The following PBX3 variants were observed in gnomAD, a reference collection of about 807,000 sequenced individuals.
The protein encoded by PBX3 is PBX homeobox 3.
PBX3 carries 14 observed loss-of-function variants against 48.5 expected under a neutral mutation model. The ratio of observed to expected loss-of-function variants is 0.29; its 90% CI spans 0.19 to 0.45. PBX3 has a LOEUF of 0.45. Ranked by LOEUF, PBX3 falls within the 20% of genes least tolerant of loss-of-function variation. The pLI, the probability that PBX3 is intolerant of heterozygous loss-of-function variation, is 1.00. For missense variants in PBX3, 386 were observed against 546.7 expected (o/e 0.71, Z 2.93); for synonymous variants, 210 against 200.3 (o/e 1.05, Z -0.41).
intron 2 of PBX3, chr9:125,845,095 G>A (rs1199873474): frequency 1.3e-5 from 2 of 152,042 alleles, no homozygotes; most frequent in Non-Finnish European, 2.9e-5. Context: ...CGTTAGTCAG[G>A]AAGCATTAAT....
At chr9:125,944,987 C>G (rs1214690916) in intron 5 of PBX3, among the ~76,000 whole-genome samples, 2 of 152,136 alleles carry the variant, frequency 1.3e-5, no homozygotes, top group African/African-American at 4.8e-5. Context: ...CTTTGGGAAG[C>G]TGAGGCGGGC....
At chr9:125,820,700 T>C (rs751446778) in intron 2 of PBX3, among the ~76,000 whole-genome samples, 5 of 152,204 alleles carry the variant, frequency 3.3e-5, no homozygotes, top group Non-Finnish European at 7.3e-5. Flanking sequence ...CACCTAGATA[T>C]AGTTAATGCT....
intron 2 of PBX3, among the ~76,000 whole-genome samples, chr9:125,767,509 C>T (rs948345043): frequency 3.9e-5 from 6 of 152,162 alleles, no homozygotes; most frequent in Non-Finnish European, 5.9e-5. Context: ...CTCCAGAAAG[C>T]TGTAGTGCAG....
intron 1 of PBX3, 21 bp from the exon 2 acceptor site, chr9:125,748,529 G>GT: frequency 6.2e-7 from 1 of 1,612,278 alleles, no homozygotes; most frequent in Non-Finnish European, 8.5e-7. Context: ...ATACCTTTGT[G>GT]TTTCGTTATT....
intron 2 of PBX3, among the ~76,000 whole-genome samples, chr9:125,790,668 C>G (rs532399130): frequency 3.6e-4 from 54 of 151,486 alleles, no homozygotes; most frequent in Non-Finnish European, 6.9e-4. Context: ...TCCTGAATTC[C>G]AGTGATTCTT....
At chr9:125,880,468 C>G (rs1840356810) in intron 2 of PBX3, among the ~76,000 whole-genome samples, 1 of 152,180 alleles carries the variant, frequency 6.6e-6, no homozygotes, top group African/African-American at 2.4e-5. Flanking sequence ...CAGTTATTTT[C>G]AATATTAATT....
chr9:125,752,056 A>G (rs1303316199), intron 2 of PBX3, among the ~76,000 whole-genome samples: 1 of 152,212 alleles, frequency 6.6e-6, no homozygotes, highest in Non-Finnish European at 1.5e-5. Flanking sequence ...GAAAAATGTT[A>G]TGCATGAAAA....
At chr9:125,898,821 T>G (rs1840837563) in intron 2 of PBX3, among the ~76,000 whole-genome samples, 1 of 151,876 alleles carries the variant, frequency 6.6e-6, no homozygotes. Flanking sequence ...AATGTTAAAG[T>G]TGTTTAAACA....
chr9:125,934,196 CCT>C (rs1841784540), intron 4 of PBX3, among the ~76,000 whole-genome samples: 1 of 152,130 alleles, frequency 6.6e-6, no homozygotes, highest in Non-Finnish European at 1.5e-5. Flanking sequence ...TTTGATCAGA[CCT>C]AGATTTCTTG....
intron 2 of PBX3, among the ~76,000 whole-genome samples, chr9:125,787,972 C>T (rs1837501816): frequency 6.6e-6 from 1 of 152,098 alleles, no homozygotes; most frequent in South Asian, 2.1e-4. Context: ...AACTGTAAGG[C>T]TAGGTTGTTG....
intron 2 of PBX3, among the ~76,000 whole-genome samples, chr9:125,778,449 G>C (rs1187887628): frequency 6.6e-6 from 1 of 151,962 alleles, no homozygotes; most frequent in African/African-American, 2.4e-5. Flanking sequence ...AGTAGAGACA[G>C]AGTTTCACCA....
intron 2 of PBX3, among the ~76,000 whole-genome samples, chr9:125,822,484 A>C (rs1306284078): frequency 1.3e-5 from 2 of 152,082 alleles, no homozygotes; most frequent in East Asian, 1.9e-4. Flanking sequence ...GAGTTTAAAA[A>C]CGTTTCTTCC....
At chr9:125,946,112 T>C (rs540405465) in intron 5 of PBX3, among the ~76,000 whole-genome samples, 1 of 152,320 alleles carries the variant, frequency 6.6e-6, no homozygotes, top group East Asian at 1.9e-4. Context: ...TTAAACTGCT[T>C]AGGGCTACAT....
intron 1 of PBX3, chr9:125,748,219 G>C (rs968487460): frequency 9.9e-7 from 1 of 1,013,548 alleles, no homozygotes; most frequent in East Asian, 9.8e-5. Context: ...GAGCGGACGC[G>C]GGAGCCCCTC....
At chr9:125,946,027 G>T (rs1842057198) in intron 5 of PBX3, among the ~76,000 whole-genome samples, 1 of 152,082 alleles carries the variant, frequency 6.6e-6, no homozygotes, top group Admixed American at 6.5e-5. Context: ...TTACTTTTCA[G>T]GGGTAAAAAG....
chr9:125,916,128 T>C (rs1479540047), intron 3 of PBX3, among the ~76,000 whole-genome samples: 1 of 152,184 alleles, frequency 6.6e-6, no homozygotes, highest in Non-Finnish European at 1.5e-5. Context: ...GCGCTACCTA[T>C]TTTATCCCAT....
chr9:125,944,736 A>G (rs896554233), intron 5 of PBX3, among the ~76,000 whole-genome samples: 2 of 152,150 alleles, frequency 1.3e-5, no homozygotes, highest in Non-Finnish European at 2.9e-5. Flanking sequence ...GAACAGTTTA[A>G]TAAGTCTGGA....
At chr9:125,860,201 C>A (rs1375839273) in intron 2 of PBX3, among the ~76,000 whole-genome samples, 1 of 152,188 alleles carries the variant, frequency 6.6e-6, no homozygotes, top group Non-Finnish European at 1.5e-5. Flanking sequence ...AGTTGTCCTC[C>A]CATAAGTAAA....
intron 2 of PBX3, among the ~76,000 whole-genome samples, chr9:125,870,083 C>A (rs1840082117): frequency 7.1e-6 from 1 of 140,474 alleles, no homozygotes. Context: ...TGCACTATCT[C>A]AGCTCACTGA....
Sources: allele counts gnomAD v4.1 joint callset (sites outside exome capture counted in the v4.1 genomes callset), GRCh38; gene constraint gnomAD v4.1.1; transcripts MANE v1.5; gene names NCBI Gene and HGNC (gene_info 2026-07-23, HGNC 2026-07-21).